The following CNIH3 variants were observed in gnomAD, a reference collection of about 807,000 sequenced individuals.
CNIH3 encodes the protein protein cornichon homolog 3.
CNIH3 carries 14 observed loss-of-function variants against 24.1 expected under a neutral mutation model. The observed-to-expected ratio is 0.58, with a 90% CI of 0.38 to 0.91. CNIH3 has a LOEUF of 0.91. Among genes scored for constraint, CNIH3 ranks in the 40% least tolerant of loss-of-function variants. CNIH3 has a pLI of 0.00. For synonymous variants in CNIH3, 68 were observed against 73.8 expected (o/e 0.92, Z 0.40); for missense variants, 178 against 196.8 (o/e 0.90, Z 0.57).
chr1:224,575,051 C>T, intron 4 of CNIH3: 1 of 882,250 alleles, frequency 1.1e-6, no homozygotes. Context: ...AGTCCAAAGG[C>T]ATCATGGTGA....
chr1:224,567,125 T>C (rs1680612947), intron 4 of CNIH3, among the ~76,000 whole-genome samples: 1 of 152,234 alleles, frequency 6.6e-6, no homozygotes, highest in South Asian at 2.1e-4. Flanking sequence ...CCAGTGATGA[T>C]GAGCATTTTT....
rs146444465 is a variant in CNIH3 at position 224,684,381 on chromosome 1, C to T, written c.151-415C>T. Among the ~76,000 whole-genome samples, 11 of 152,306 alleles carry T rather than the reference C, an allele frequency of 7.2e-5. No homozygotes were observed. The East Asian group carries it at 9.7e-4, about 13-fold the overall frequency. ...CCTTAGATACTAATGAGGGCACATA[C>T]GCTCTTCGAGAACTAAGTGGGAAGG... On this transcript the variant is annotated intron_variant, in intron 2 of 5. Coordinates refer to ENST00000272133, the MANE Select transcript of CNIH3 (RefSeq NM_152495.2). The surrounding 1 kb of genome is among the most constrained non-coding windows in gnomAD (Gnocchi z 4.2).
In CNIH3 at chr1:224,458,225, C is replaced by T. The variant is rs1428238596; in HGVS notation, n.203+23363C>T. Among the ~76,000 whole-genome samples the T allele has an allele frequency of 6.6e-6, 1 of 152,176 alleles. No individual in the cohort carries two copies. The highest frequency in any genetic ancestry group is 1.9e-4 in the East Asian group (1 of 5,206). ...GCCCAGAGCTGAGTAGAAACTGGTT[C>T]TGGGGCATCGTGTGGCTAGGGTGCC... On this transcript the variant is annotated intron_variant and non_coding_transcript_variant, in intron 1 of 5. Coordinates refer to the CNIH3 transcript ENST00000471578. This position sits in a 1 kb window ranked among gnomAD's most constrained non-coding sequence, Gnocchi z 4.3.
chr1:224,727,250 A>G (rs930976585), intron 3 of CNIH3, among the ~76,000 whole-genome samples: 1 of 152,194 alleles, frequency 6.6e-6, no homozygotes, highest in Admixed American at 6.5e-5. Context: ...ATGGTATCAT[A>G]TGAGATAGGT....
chr1:224,515,621 A>C (rs1678349482), upstream of CNIH3: 2 of 152,204 alleles, frequency 1.3e-5, no homozygotes, highest in Admixed American at 1.3e-4. Context: ...CTTGTTTTGC[A>C]TTATTACTTC....
At chr1:224,460,745 A>G (rs1422963156) in intron 1 of CNIH3, among the ~76,000 whole-genome samples, 1 of 150,468 alleles carries the variant, frequency 6.6e-6, no homozygotes, top group Non-Finnish European at 1.5e-5. Context: ...CAGCAGTAGA[A>G]TGCTAGATCA....
chr1:224,480,101 T>C (rs1253524013), intron 1 of CNIH3, among the ~76,000 whole-genome samples: 1 of 152,166 alleles, frequency 6.6e-6, no homozygotes, highest in African/African-American at 2.4e-5. Flanking sequence ...AGGTGGAGGT[T>C]CCCAAATCTC....
rs191842465 is a variant in CNIH3, at chr1:224,661,212, C to T, written c.82-19746C>T. On this transcript the variant is annotated intron_variant, in intron 1 of 5. Transcript: ENST00000272133. ...ACAGCTGCTGCTCCTCACCATGTAT[C>T]GTTAAGGACTTTAACTGGCCCTCTT... 2.5e-4 allele frequency: 69 copies of T among 277,716 alleles called. 1 individual carries two copies. The highest frequency in any genetic ancestry group is 1.8e-3 in the Admixed American group (47 of 26,070). The allele number at this position is 277,716 out of a possible 1,614,324, so 17.2% of individuals were successfully genotyped here.
chr1:224,640,568 T>C (rs1684307507), intron 1 of CNIH3, among the ~76,000 whole-genome samples: 1 of 152,206 alleles, frequency 6.6e-6, no homozygotes, highest in Admixed American at 6.5e-5. Flanking sequence ...TCTGAATAAT[T>C]TATTTACTCC....
At chr1:224,572,014 G>A (rs1331843945) in intron 4 of CNIH3, among the ~76,000 whole-genome samples, 2 of 152,130 alleles carry the variant, frequency 1.3e-5, no homozygotes, top group Admixed American at 6.5e-5. Context: ...GGGGGTTAGT[G>A]GGGCAAGTCA....
intron 3 of CNIH3, among the ~76,000 whole-genome samples, chr1:224,709,421 A>T (rs1688007509): frequency 6.6e-6 from 1 of 152,184 alleles, no homozygotes; most frequent in Admixed American, 6.5e-5. Flanking sequence ...TTGAGAACAG[A>T]CATAAGAGTC....
intron 3 of CNIH3, among the ~76,000 whole-genome samples, chr1:224,707,845 A>G (rs564795717): frequency 6.6e-6 from 1 of 152,330 alleles, no homozygotes; most frequent in South Asian, 2.1e-4. Flanking sequence ...CACCAAATAA[A>G]TGAACATCCT....
chr1:224,650,447 T>G (rs1684809314), intron 1 of CNIH3, among the ~76,000 whole-genome samples: 1 of 152,134 alleles, frequency 6.6e-6, no homozygotes, highest in African/African-American at 2.4e-5. Context: ...AACATGCAAA[T>G]TTATGTAAAA....
rs1681361573 is a variant in CNIH3, at chr1:224,583,411, T to C, written n.620+144T>C. On this transcript the variant is annotated intron_variant and non_coding_transcript_variant, in intron 5 of 5. Transcript: ENST00000471578. ...CCAGAGTGGACCAGTTTGGCCACAC[T>C]ATGTGAGAGTGAGGGATAAAATCTG... 3 of 152,350 alleles carry C rather than the reference T, an allele frequency of 2.0e-5. No homozygotes were observed. The South Asian group carries it at 6.2e-4, about 32-fold the overall frequency. 9.4% of individuals were successfully genotyped at this position (152,350 alleles called of 1,614,324 possible).
At chr1:224,483,912 T>G (rs1676919778) in intron 1 of CNIH3, among the ~76,000 whole-genome samples, 2 of 152,188 alleles carry the variant, frequency 1.3e-5, no homozygotes, top group South Asian at 4.1e-4. Flanking sequence ...GGCTCACGCC[T>G]GTAATCCCAG....
At chr1:224,617,598 C>T (rs1294378323) in intron 1 of CNIH3, among the ~76,000 whole-genome samples, 1 of 152,238 alleles carries the variant, frequency 6.6e-6, no homozygotes, top group Non-Finnish European at 1.5e-5. Flanking sequence ...AGGAGAAGCG[C>T]CGCCGTCGGT....
intron 3 of CNIH3, among the ~76,000 whole-genome samples, chr1:224,694,294 C>T (rs6694864): frequency 0.061 from 9,292 of 152,208 alleles, 355 homozygotes; most frequent in East Asian, 0.14. Context: ...AATGTGGGGC[C>T]GTCACAACCA....
At chr1:224,456,663 G>A (rs1418558344) in intron 1 of CNIH3, among the ~76,000 whole-genome samples, 2 of 152,146 alleles carry the variant, frequency 1.3e-5, no homozygotes, top group Non-Finnish European at 1.5e-5. Context: ...CTCCCACCTC[G>A]GCCTCCGAAA....
intron 1 of CNIH3, among the ~76,000 whole-genome samples, chr1:224,636,782 G>A (rs1003423121): frequency 1.3e-5 from 2 of 152,258 alleles, no homozygotes; most frequent in East Asian, 3.9e-4. Context: ...ATTAAAAAAA[G>A]CGGTACACAT....
Sources: gnomAD v4.1 joint callset for allele counts (sites outside exome capture counted in the v4.1 genomes callset) on GRCh38, gnomAD v4.1.1 for gene constraint, Gnocchi (gnomAD v3.1) non-coding constraint, MANE v1.5 for transcripts, NCBI Gene and HGNC (gene_info 2026-07-23, HGNC 2026-07-21) for gene names.